Variants in IGFBP7 observed in about 807,000 individuals in gnomAD.
The protein encoded by IGFBP7 is insulin-like growth factor-binding protein 7.
In IGFBP7, 31 loss-of-function variants were observed where a neutral mutation model predicts 29.4. That is an observed-to-expected ratio of 1.05 (90% confidence interval 0.79 to 1.42). IGFBP7 has a LOEUF of 1.42. Ranked by LOEUF, IGFBP7 falls within the 40% of genes most tolerant of loss-of-function variation. The pLI, the probability that IGFBP7 is intolerant of heterozygous loss-of-function variation, is 0.00. For synonymous variants in IGFBP7, 172 were observed against 174.9 expected, an observed-to-expected ratio of 0.98 and a Z score of 0.13; for missense variants, 393 against 395.5, an observed-to-expected ratio of 0.99 and a Z score of 0.05.
intron 1 of IGFBP7, among the ~76,000 whole-genome samples, chr4:57,042,222 G>A (rs1724244279): frequency 6.6e-6 from 1 of 152,230 alleles, no homozygotes; most frequent in African/African-American, 2.4e-5. Context: ...TTTTTGCTAT[G>A]AAAGTGGTAT....
chr4:57,079,115 A>G (rs1373058417), intron 1 of IGFBP7, among the ~76,000 whole-genome samples: 2 of 152,212 alleles, frequency 1.3e-5, no homozygotes, highest in East Asian at 3.8e-4. Flanking sequence ...TCCATCTACA[A>G]AAGCAGCACA....
intron 1 of IGFBP7, among the ~76,000 whole-genome samples, chr4:57,041,804 G>T (rs1578609641): frequency 6.6e-6 from 1 of 152,118 alleles, no homozygotes; most frequent in Non-Finnish European, 1.5e-5. Context: ...CTCCCCAACT[G>T]CTGGGATTAC....
chr4:57,047,281 C>T (rs1016813513), intron 1 of IGFBP7, among the ~76,000 whole-genome samples: 1 of 152,186 alleles, frequency 6.6e-6, no homozygotes, highest in Non-Finnish European at 1.5e-5. Flanking sequence ...TGCTGTCCTG[C>T]CTGCTGCCAT....
At chr4:57,104,065 C>CT (rs1725964951) in intron 1 of IGFBP7, among the ~76,000 whole-genome samples, 1 of 151,942 alleles carries the variant, frequency 6.6e-6, no homozygotes, top group Non-Finnish European at 1.5e-5. Flanking sequence ...ATGAGTTTGA[C>CT]TTTTTTTAGA....
intron 2 of IGFBP7, among the ~76,000 whole-genome samples, chr4:57,036,536 TA>T (rs1474111301): frequency 6.6e-6 from 1 of 152,236 alleles, no homozygotes; most frequent in African/African-American, 2.4e-5. Context: ...ATCTTTGATT[TA>T]AAAGGGTTAA....
At chr4:57,042,022 G>A (rs996543911) in intron 1 of IGFBP7, among the ~76,000 whole-genome samples, 78 of 152,334 alleles carry the variant, frequency 5.1e-4, no homozygotes, top group African/African-American at 1.8e-3. Context: ...GTCCCTGGCA[G>A]GAGGCATTGG....
chr4:57,058,203 G>C (rs1198912231), intron 1 of IGFBP7, among the ~76,000 whole-genome samples: 1 of 152,182 alleles, frequency 6.6e-6, no homozygotes, highest in Admixed American at 6.5e-5. Flanking sequence ...TCAATGGCTT[G>C]TAATGTGCTC....
rs766105018 is a variant in IGFBP7, at chr4:57,031,321, A to C, written c.845T>G (p.Leu282Arg). ...GACTAATAATATTCTGGAGGTTTAT[A>C]GCTCGGCACCTTCACCTGTTTAAAA... Reference protein sequence around the residue: ...IPVKKGEGAEL With the variant: ...IPVKKGEGAER The change falls in exon 5 of 5, where the codon CTA (leucine) becomes CGA (arginine). Residue 282 changes from leucine (L) to arginine (R), a missense_variant. Leu to Arg is a moderately radical substitution (Grantham distance 102). Coordinates refer to ENST00000295666, the MANE Select transcript of IGFBP7 (RefSeq NM_001553.3). 1 of 1,603,778 alleles carries C rather than the reference A, an allele frequency of 6.2e-7. No homozygotes were observed. The highest frequency in any genetic ancestry group is 1.7e-5 in the Admixed American group (1 of 59,996).
intron 1 of IGFBP7, among the ~76,000 whole-genome samples, chr4:57,060,508 G>C (rs1724774300): frequency 6.6e-6 from 1 of 152,144 alleles, no homozygotes; most frequent in Non-Finnish European, 1.5e-5. Context: ...TCCAGGTAAG[G>C]TTTTAATAGG....
intron 1 of IGFBP7, among the ~76,000 whole-genome samples, chr4:57,072,184 T>C (rs1434898107): frequency 2.0e-5 from 3 of 152,094 alleles, no homozygotes; most frequent in African/African-American, 7.2e-5. Flanking sequence ...GTGTCTGTTA[T>C]ATCCTTTTTT....
At chr4:57,054,807 G>A (rs982148574) in intron 1 of IGFBP7, among the ~76,000 whole-genome samples, 6 of 152,264 alleles carry the variant, frequency 3.9e-5, no homozygotes, top group East Asian at 3.9e-4. Flanking sequence ...CTCCCTGGGA[G>A]GATGCTACAA....
chr4:57,065,764 C>T (rs1008480139), intron 1 of IGFBP7, among the ~76,000 whole-genome samples: 8 of 152,204 alleles, frequency 5.3e-5, no homozygotes, highest in African/African-American at 1.7e-4. Flanking sequence ...GGGCATCCAC[C>T]CTTGCTCTTT....
At chr4:57,032,300 GC>G in intron 4 of IGFBP7, 125 bp downstream of exon 4, 41 of 1,465,470 alleles carry the variant, frequency 2.8e-5, no homozygotes, top group Non-Finnish European at 3.6e-5. Flanking sequence ...CATACTTAAT[GC>G]CCTTATGGGT....
intron 1 of IGFBP7, among the ~76,000 whole-genome samples, chr4:57,085,574 T>G (rs566716577): frequency 2.0e-5 from 1 of 50,768 alleles, no homozygotes; most frequent in East Asian, 2.4e-3. Context: ...GTTATTCAGA[T>G]AGTCAGTTGT....
chr4:57,036,847 CTAA>C (rs1453821836), intron 2 of IGFBP7, among the ~76,000 whole-genome samples: 1 of 152,160 alleles, frequency 6.6e-6, no homozygotes, highest in Non-Finnish European at 1.5e-5. Flanking sequence ...AGTGAGGATT[CTAA>C]TAATCTATCC....
intron 1 of IGFBP7, among the ~76,000 whole-genome samples, chr4:57,056,409 CTGTGTGTTT>C (rs2109760948): frequency 6.6e-6 from 1 of 152,138 alleles, no homozygotes; most frequent in East Asian, 1.9e-4. Flanking sequence ...ATAAGTATTA[CTGTGTGTTT>C]GAGTTCAGCT....
intron 1 of IGFBP7, among the ~76,000 whole-genome samples, chr4:57,081,954 T>C (rs150273642): frequency 6.6e-6 from 1 of 152,156 alleles, no homozygotes; most frequent in Non-Finnish European, 1.5e-5. Context: ...GTAAACAGTT[T>C]GCATCCAACA....
At chr4:57,071,922 G>A (rs1193403343) in intron 1 of IGFBP7, among the ~76,000 whole-genome samples, 1 of 152,074 alleles carries the variant, frequency 6.6e-6, no homozygotes, top group Non-Finnish European at 1.5e-5. Flanking sequence ...GATTGCTTGA[G>A]GACAGAAGTT....
chr4:57,068,191 G>A (rs189752293), intron 1 of IGFBP7, among the ~76,000 whole-genome samples: 34 of 151,908 alleles, frequency 2.2e-4, no homozygotes, highest in Middle Eastern at 3.4e-3. Context: ...TTGGGAGGCC[G>A]AGGTGGGAGA....
Sources: allele counts gnomAD v4.1 joint callset (sites outside exome capture counted in the v4.1 genomes callset), GRCh38; gene constraint gnomAD v4.1.1; transcripts MANE v1.5; gene names NCBI Gene and HGNC (gene_info 2026-07-23, HGNC 2026-07-21).